Variants in PRSS23 observed in about 807,000 individuals in gnomAD.
The protein encoded by PRSS23 is protease, serine 23.
A neutral mutation model predicts 34.7 loss-of-function variants in PRSS23; 25 were observed. The observed-to-expected ratio is 0.72, with a 90% CI of 0.53 to 1.01. The LOEUF (loss-of-function observed/expected upper bound fraction) is 1.01. Among genes scored for constraint, PRSS23 ranks in the 50% least tolerant of loss-of-function variants. The pLI, the probability that PRSS23 is intolerant of heterozygous loss-of-function variation, is 0.00. For missense variants in PRSS23, 445 were observed against 475.6 expected (o/e 0.94, Z 0.60); for synonymous variants, 176 against 186.6 (o/e 0.94, Z 0.46).
At chr11:86,825,569 G>C (rs1374217765) in intron 2 of PRSS23, among the ~76,000 whole-genome samples, 2 of 150,546 alleles carry the variant, frequency 1.3e-5, no homozygotes, top group Non-Finnish European at 1.5e-5. Flanking sequence ...CCTATGTCCT[G>C]AATGGTAATG....
At chr11:86,941,604 T>C (rs868573184) in intron 2 of PRSS23, among the ~76,000 whole-genome samples, 18 of 152,354 alleles carry the variant, frequency 1.2e-4, no homozygotes, top group African/African-American at 4.1e-4. Context: ...CAAGTTGGAC[T>C]TCGTATTTCC....
chr11:86,950,901 T>C lies in PRSS23; in HGVS notation c.207-315T>C, dbSNP rs3740662. On this transcript the variant is annotated intron_variant, in intron 2 of 2. Coordinates refer to the PRSS23 transcript ENST00000533902. ...TGCTAAAGTGATCAACGTTTTGATTTTTCACAGCTTTGAAAGCCTCTAACT... is the reference window on the plus strand; with the variant it reads ...TGCTAAAGTGATCAACGTTTTGATTCTTCACAGCTTTGAAAGCCTCTAACT... 1.3e-4 allele frequency: 77 copies of C among 579,048 alleles called. No homozygotes were observed. In the East Asian group the frequency reaches 2.2e-3, roughly 17 times the overall value. The allele number at this position is 579,048 out of a possible 1,614,324, so 35.9% of individuals were successfully genotyped here. A position where few individuals can be genotyped will look rare whatever the true frequency, so the allele number is the denominator to read the frequency against.
intron 2 of PRSS23, among the ~76,000 whole-genome samples, chr11:86,882,750 T>A (rs1948779737): frequency 6.6e-6 from 1 of 152,242 alleles, no homozygotes; most frequent in African/African-American, 2.4e-5. Context: ...ATGGTATTTC[T>A]GACCTTAGTT....
intron 2 of PRSS23, among the ~76,000 whole-genome samples, chr11:86,830,571 C>T (rs1454667981): frequency 1.3e-5 from 2 of 152,182 alleles, no homozygotes; most frequent in Admixed American, 6.5e-5. Context: ...CAGAAATCAC[C>T]CATCTTCTGT....
intron 2 of PRSS23, among the ~76,000 whole-genome samples, chr11:86,838,718 G>A (rs1948425508): frequency 6.6e-6 from 1 of 152,150 alleles, no homozygotes; most frequent in Admixed American, 6.5e-5. Flanking sequence ...ACATCTCCCA[G>A]AAGGGGAGCA....
intron 2 of PRSS23, among the ~76,000 whole-genome samples, chr11:86,931,938 A>G (rs1456674591): frequency 6.6e-6 from 1 of 152,214 alleles, no homozygotes; most frequent in Non-Finnish European, 1.5e-5. Context: ...ACCAAATAAA[A>G]TAACATGTAT....
chr11:86,830,715 C>A (rs988101575), intron 2 of PRSS23, among the ~76,000 whole-genome samples: 3 of 152,122 alleles, frequency 2.0e-5, no homozygotes, highest in Non-Finnish European at 2.9e-5. Context: ...TCGTAATATC[C>A]TAGGGAGACA....
chr11:86,870,231 T>C (rs2022983), intron 2 of PRSS23, among the ~76,000 whole-genome samples: 102,693 of 151,702 alleles, frequency 0.68, 35,918 homozygotes, highest in African/African-American at 0.85. Context: ...GCTACAGAGA[T>C]GGTGATTTTT....
intron 2 of PRSS23, among the ~76,000 whole-genome samples, chr11:86,879,137 G>A (rs1294260883): frequency 6.7e-6 from 1 of 150,366 alleles, no homozygotes; most frequent in Non-Finnish European, 1.5e-5. Context: ...TAGGAAGTGA[G>A]GAGCGCCTCT....
chr11:86,831,765 A>G (rs557698829), intron 2 of PRSS23, among the ~76,000 whole-genome samples: 1 of 151,940 alleles, frequency 6.6e-6, no homozygotes, highest in South Asian at 2.1e-4. Context: ...ACACCTTGTG[A>G]TATTATTTCT....
chr11:86,808,180 T>C lies in PRSS23; in HGVS notation c.537T>C (p.Asp179=). ...HVLTAAHCIH[D]GKTYVKGTQK... ...TCACAGCTGCCCACTGCATACACGA[T>C]GGAAAAACCTATGTGAAAGGAACCC... Residue 179 remains aspartate, a synonymous_variant, in exon 2 of 2, where the codon GAT becomes GAC. Transcript: ENST00000280258. 1 of 1,614,136 alleles carries C rather than the reference T, an allele frequency of 6.2e-7. No homozygotes were observed.
At chr11:86,932,446 TG>T (rs1402922350) in intron 2 of PRSS23, among the ~76,000 whole-genome samples, 2 of 152,136 alleles carry the variant, frequency 1.3e-5, no homozygotes, top group Non-Finnish European at 2.9e-5. Flanking sequence ...AAGAGTTTGC[TG>T]GGGGCTGAGA....
intron 2 of PRSS23, among the ~76,000 whole-genome samples, chr11:86,927,553 C>T (rs759427187): frequency 2.6e-5 from 4 of 151,990 alleles, no homozygotes; most frequent in Admixed American, 6.6e-5. Flanking sequence ...CACTATATTG[C>T]CCAGTCTGGT....
upstream of PRSS23, among the ~76,000 whole-genome samples, chr11:86,799,793 C>G (rs1384758271): frequency 6.6e-6 from 1 of 152,050 alleles, no homozygotes; most frequent in South Asian, 2.1e-4. Flanking sequence ...GCTGGTGCCC[C>G]GATGAAGAAC....
intron 2 of PRSS23, chr11:86,937,461 A>G (rs1949172192): frequency 6.6e-6 from 1 of 152,244 alleles, no homozygotes; most frequent in African/African-American, 2.4e-5. Context: ...ACGGTTAGGC[A>G]TTCTAAGTCA....
intron 2 of PRSS23, among the ~76,000 whole-genome samples, chr11:86,835,505 C>T (rs761733281): frequency 3.3e-5 from 5 of 152,250 alleles, no homozygotes; most frequent in Non-Finnish European, 7.3e-5. Flanking sequence ...AAAGCTGCTT[C>T]TGCTTCAGGG....
At chr11:86,801,017 C>T (rs2135593188) in intron 1 of PRSS23, among the ~76,000 whole-genome samples, 1 of 152,286 alleles carries the variant, frequency 6.6e-6, no homozygotes, top group East Asian at 1.9e-4. Context: ...CCCCCCAACA[C>T]ACCACCACCA....
chr11:86,854,583 T>C (rs1948555057), intron 2 of PRSS23, among the ~76,000 whole-genome samples: 1 of 152,220 alleles, frequency 6.6e-6, no homozygotes, highest in African/African-American at 2.4e-5. Context: ...CAGAAAGCAT[T>C]GTCCACTCTG....
chr11:86,913,495 T>C (rs1029512905), intron 2 of PRSS23, among the ~76,000 whole-genome samples: 1 of 151,146 alleles, frequency 6.6e-6, no homozygotes, highest in South Asian at 2.1e-4. Flanking sequence ...AACTCAGATT[T>C]CCATATTTTA....
Sources: allele counts gnomAD v4.1 joint callset (sites outside exome capture counted in the v4.1 genomes callset), GRCh38; gene constraint gnomAD v4.1.1; transcripts MANE v1.5; gene names NCBI Gene and HGNC (gene_info 2026-07-23, HGNC 2026-07-21).